The following MLLT3 variants were observed in gnomAD, a reference collection of about 807,000 sequenced individuals.
MLLT3 encodes protein AF-9.
MLLT3 carries 4 observed loss-of-function variants against 53.2 expected under a neutral mutation model. The observed-to-expected ratio is 0.08, with a 90% confidence interval of 0.04 to 0.17. The LOEUF is 0.17. Among genes scored for constraint, MLLT3 ranks in the 10% least tolerant of loss-of-function variants. The probability of loss-of-function intolerance (pLI) is 1.00; values close to 1 mark genes in which losing one functional copy is unlikely to be tolerated. For missense variants in MLLT3, 569 were observed against 684.0 expected (o/e 0.83, Z 1.87); for synonymous variants, 283 against 230.6 (o/e 1.23, Z -2.06).
chr9:20,612,956 T>A (rs938137524), intron 2 of MLLT3, among the ~76,000 whole-genome samples: 2 of 152,172 alleles, frequency 1.3e-5, no homozygotes, highest in African/African-American at 2.4e-5. Flanking sequence ...CAAACCCTTG[T>A]TCATCTGCAC....
chr9:20,539,965 G>A (rs1446723259), intron 2 of MLLT3, among the ~76,000 whole-genome samples: 4 of 152,170 alleles, frequency 2.6e-5, no homozygotes, highest in Non-Finnish European at 5.9e-5. Flanking sequence ...TTGGGTAAAT[G>A]CTCCCATTCC....
At chr9:20,474,118 T>C (rs1473238516) in intron 2 of MLLT3, among the ~76,000 whole-genome samples, 1 of 152,154 alleles carries the variant, frequency 6.6e-6, no homozygotes, top group African/African-American at 2.4e-5. Context: ...TTCGGTCTCT[T>C]GGCTCCTAAA....
At chr9:20,607,549 C>A (rs1820600636) in intron 2 of MLLT3, among the ~76,000 whole-genome samples, 1 of 151,982 alleles carries the variant, frequency 6.6e-6, no homozygotes, top group South Asian at 2.1e-4. Context: ...CAATTTTATT[C>A]AAGCAGCTAA....
intron 4 of MLLT3, among the ~76,000 whole-genome samples, chr9:20,440,573 T>C (rs753818802): frequency 6.6e-6 from 1 of 152,160 alleles, no homozygotes; most frequent in African/African-American, 2.4e-5. Flanking sequence ...AAAATAGGCA[T>C]CTGCACTCAC....
intron 10 of MLLT3, among the ~76,000 whole-genome samples, chr9:20,352,345 A>C (rs992123517): frequency 6.6e-6 from 1 of 152,248 alleles, no homozygotes; most frequent in African/African-American, 2.4e-5. Context: ...GAGAAAGATC[A>C]TGCAATAGAT....
chr9:20,493,089 A>T (rs1401207020), intron 2 of MLLT3, among the ~76,000 whole-genome samples: 1 of 151,880 alleles, frequency 6.6e-6, no homozygotes, highest in Non-Finnish European at 1.5e-5. Context: ...CTAATGGATC[A>T]TGCCTACTTC....
intron 8 of MLLT3, among the ~76,000 whole-genome samples, chr9:20,356,028 G>T (rs564727814): frequency 6.6e-6 from 1 of 152,118 alleles, no homozygotes. Context: ...TTTTTGGACC[G>T]CAAAGGATGA....
At chr9:20,527,323 T>A (rs1258843055) in intron 2 of MLLT3, among the ~76,000 whole-genome samples, 1 of 152,172 alleles carries the variant, frequency 6.6e-6, no homozygotes, top group Non-Finnish European at 1.5e-5. Context: ...TGAGCCTTAT[T>A]CCTGGATTAA....
At chr9:20,458,643 G>C (rs1169807521) in intron 2 of MLLT3, among the ~76,000 whole-genome samples, 1 of 152,152 alleles carries the variant, frequency 6.6e-6, no homozygotes, top group African/African-American at 2.4e-5. Context: ...ATGGTGAGAA[G>C]ATAGCAGTCT....
At chr9:20,592,175 C>T (rs907001122) in intron 2 of MLLT3, among the ~76,000 whole-genome samples, 5 of 152,146 alleles carry the variant, frequency 3.3e-5, no homozygotes. Flanking sequence ...AGACTTTTAG[C>T]CTCACAATCC....
intron 2 of MLLT3, among the ~76,000 whole-genome samples, chr9:20,520,883 T>C (rs913088704): frequency 4.6e-5 from 7 of 152,182 alleles, no homozygotes; most frequent in Admixed American, 3.3e-4. Context: ...ACGCAGCAAC[T>C]GTCCTAAAGC....
At chr9:20,418,351 T>G (rs991910898) in intron 4 of MLLT3, 1 of 152,168 alleles carries the variant, frequency 6.6e-6, no homozygotes, top group African/African-American at 2.4e-5. Flanking sequence ...TCATAGCCAA[T>G]GAGGTTTATG....
At chr9:20,379,521 T>C (rs922623566) in intron 5 of MLLT3, among the ~76,000 whole-genome samples, 3 of 152,082 alleles carry the variant, frequency 2.0e-5, no homozygotes, top group Non-Finnish European at 4.4e-5. Flanking sequence ...ACTTTAATCA[T>C]TTGAGTCTCA....
At chr9:20,360,617 C>A in intron 8 of MLLT3, 125 bp downstream of exon 8, 2 of 746,250 alleles carry the variant, frequency 2.7e-6, no homozygotes, top group South Asian at 1.6e-5. Flanking sequence ...TGTGGCCTCC[C>A]TCCCATCTAT....
rs1587097300 is a variant in MLLT3, at chr9:20,583,490, G to A, written c.193+37164C>T. On this transcript the variant is annotated intron_variant, in intron 2 of 10. Transcript: ENST00000380338. ...CGACCCCACATTTCTCTTCCACACTGCCCTTAGCAGAGGTTCTCCATGAGG... is the reference window on the plus strand; with the variant it reads ...CGACCCCACATTTCTCTTCCACACTACCCTTAGCAGAGGTTCTCCATGAGG... Among the ~76,000 whole-genome samples, 4 of 152,248 alleles carry A rather than the reference G, an allele frequency of 2.6e-5. No individual in the cohort carries two copies. In the South Asian group the frequency reaches 8.3e-4, roughly 32 times the overall value.
chr9:20,414,226 G>C lies in MLLT3; in HGVS notation c.620C>G (p.Pro207Arg), dbSNP rs1252286588. 6.2e-7 allele frequency: 1 copy of C among 1,613,970 alleles called. No individual in the cohort carries two copies. Among genetic ancestry groups the C allele is most frequent in the Non-Finnish European group, 8.5e-7 (1 of 1,180,032 alleles). ...HKLMKEHKEK[P>R]SKDSREHKSA... ...TTTATGTTCTCTGGAGTCTTTAGAA[G>C]GTTTTTCCTTGTGCTCCTTCATTAA... The change falls in exon 5 of 11, where the codon CCT becomes CGT. Residue 207 changes from proline (P) to arginine (R), a missense_variant. Pro to Arg is a moderately radical substitution (Grantham distance 103, BLOSUM62 -2). Transcript: ENST00000380338.
At chr9:20,463,282 G>T (rs541076033) in intron 2 of MLLT3, among the ~76,000 whole-genome samples, 2 of 147,600 alleles carry the variant, frequency 1.4e-5, no homozygotes, top group Non-Finnish European at 2.9e-5. Context: ...TCAAGGGGGT[G>T]GGGGGGAGGA....
intron 2 of MLLT3, among the ~76,000 whole-genome samples, chr9:20,539,342 G>C (rs561511444): frequency 2.0e-4 from 31 of 152,306 alleles, no homozygotes; most frequent in African/African-American, 7.5e-4. Context: ...TCTTTACCAA[G>C]AGTAGTACAT....
intron 2 of MLLT3, among the ~76,000 whole-genome samples, chr9:20,496,233 G>C (rs772365414): frequency 3.3e-5 from 5 of 152,038 alleles, no homozygotes; most frequent in African/African-American, 4.8e-5. Context: ...ACACTTTTTT[G>C]TTTGTAAAGA....
Sources: allele counts gnomAD v4.1 joint callset (sites outside exome capture counted in the v4.1 genomes callset), GRCh38; gene constraint gnomAD v4.1.1; transcripts MANE v1.5; gene names NCBI Gene and HGNC (gene_info 2026-07-23, HGNC 2026-07-21).